MGAT5B: variants seen among roughly 807,000 people sequenced by gnomAD.
MGAT5B encodes alpha-1,6-mannosylglycoprotein 6-beta-N-acetylglucosaminyltransferase B.
In MGAT5B, 54 loss-of-function variants were observed where a neutral mutation model predicts 95.1. The ratio of observed to expected loss-of-function variants is 0.57; its 90% CI spans 0.46 to 0.71. MGAT5B has a LOEUF of 0.71. MGAT5B is among the 30% of genes least tolerant of loss of function. MGAT5B has a pLI of 0.00. For missense variants in MGAT5B, 935 were observed against 1,088.6 expected, an observed-to-expected ratio of 0.86 and a Z score of 1.99; for synonymous variants, 464 against 451.0, an observed-to-expected ratio of 1.03 and a Z score of -0.36.
At chr17:76,926,198 G>T (rs960478455) in intron 9 of MGAT5B, among the ~76,000 whole-genome samples, 2 of 152,188 alleles carry the variant, frequency 1.3e-5, no homozygotes, top group Non-Finnish European at 2.9e-5. Flanking sequence ...CTCCTGAGAA[G>T]AGGGGCTATG....
intron 2 of MGAT5B, among the ~76,000 whole-genome samples, chr17:76,876,592 G>A (rs2145121054): frequency 1.3e-5 from 2 of 152,292 alleles, no homozygotes; most frequent in South Asian, 4.1e-4. Flanking sequence ...GGGAGAGGGA[G>A]GAGAAGGCTT....
chr17:76,940,742 A>T lies in MGAT5B; in HGVS notation c.1742A>T (p.Gln581Leu). The part of the protein sequence containing the change: ...GKPTSREVFS[Q>L]HPYAENFIGK... Reference sequence around the variant, plus strand: ...CTGTACCCTTGCCAGGTGTTCTCCCAGCATCCCTACGCGGAGAACTTCATC... The same window carrying T: ...CTGTACCCTTGCCAGGTGTTCTCCCTGCATCCCTACGCGGAGAACTTCATC... Residue 581 changes from glutamine (Q) to leucine (L), a missense_variant, in exon 15 of 18, where the codon CAG becomes CTG. Coordinates refer to ENST00000569840, the MANE Select transcript of MGAT5B (RefSeq NM_001199172.2). This position sits in a 1 kb window ranked among gnomAD's most constrained non-coding sequence, Gnocchi z 4.3. The T allele has an allele frequency of 6.2e-7, 1 of 1,614,132 alleles. No individual in the cohort carries two copies. Among genetic ancestry groups the T allele is most frequent in the Middle Eastern group, 1.7e-4 (1 of 6,060 alleles).
intron 3 of MGAT5B, among the ~76,000 whole-genome samples, chr17:76,896,374 A>G (rs1230517650): frequency 6.6e-6 from 1 of 152,244 alleles, no homozygotes; most frequent in Non-Finnish European, 1.5e-5. Flanking sequence ...TGCACTATTT[A>G]AAGCCTGTGC....
chr17:76,938,241 A>G lies in MGAT5B; in HGVS notation c.1584+98A>G, dbSNP rs965953852. 4.5e-5 allele frequency: 66 copies of G among 1,456,342 alleles called. No homozygotes were observed. Among genetic ancestry groups the G allele is most frequent in the Middle Eastern group, 2.4e-4 (1 of 4,102 alleles). The allele number at this position is 1,456,342 out of a possible 1,614,324, so 90.2% of individuals were successfully genotyped here. ...ACCACCACTCAGGCCCCTTCCACAT[A>G]TGGACATACCCCAGCATGCTCTGCT... On this transcript the variant is annotated intron_variant, in intron 13 of 17. Transcript: ENST00000569840. The surrounding 1 kb of genome is among the most constrained non-coding windows in gnomAD (Gnocchi z 4.3).
In MGAT5B at chr17:76,875,086, C is replaced by A. The variant is rs1170292177; in HGVS notation, c.181+2123C>A. On this transcript the variant is annotated intron_variant, in intron 2 of 17. Transcript: ENST00000569840. ...TCAGTCCCCAAGTGTCCCCATGCCA[C>A]TTCACAGTCATTACTCACCCAAGGA... Among the ~76,000 whole-genome samples the A allele has an allele frequency of 2.0e-5, 3 of 152,212 alleles. No individual in the cohort carries two copies. The East Asian group carries it at 5.8e-4, about 29-fold the overall frequency.
At position 76,882,222 on chromosome 17, in the gene MGAT5B, A is replaced by G. The variant is rs1386364270; in HGVS notation, c.253A>G (p.Met85Val). Residue 85 changes from methionine (M) to valine (V), a missense_variant, in exon 3 of 18, where the codon ATG (methionine) becomes GTG (valine). Coordinates refer to ENST00000569840, the MANE Select transcript of MGAT5B (RefSeq NM_001199172.2). ...SDLLELMVKRMDALARLENSS... is the reference protein window; with the variant it reads ...SDLLELMVKRVDALARLENSS... ...CCTGCTGGAGCTGATGGTGAAGCGC[A>G]TGGACGCACTGGCCAGGCTGGAGAA... The G allele has an allele frequency of 6.2e-7, 1 of 1,613,742 alleles. No homozygotes were observed. Among genetic ancestry groups the G allele is most frequent in the Non-Finnish European group, 8.5e-7 (1 of 1,179,940 alleles).
At chr17:76,893,604 T>C (rs544223431) in intron 3 of MGAT5B, among the ~76,000 whole-genome samples, 1 of 152,210 alleles carries the variant, frequency 6.6e-6, no homozygotes, top group South Asian at 2.1e-4. Context: ...GTGGTGGGAG[T>C]GAGGCCCAGG....
At position 76,871,497 on chromosome 17, in the gene MGAT5B, C is replaced by G. The variant is rs549023935; in HGVS notation, c.69-1354C>G. Among the ~76,000 whole-genome samples the G allele has an allele frequency of 8.0e-4, 122 of 152,348 alleles. 2 individuals are homozygous for G. In the South Asian group the frequency reaches 0.024, roughly 30 times the overall value. Reference sequence around the variant, plus strand: ...TCTTCTCTGCCCAAATCTCTAACAGCTTCCTTTAAATATGGGCTGGGAATT... The same window carrying G: ...TCTTCTCTGCCCAAATCTCTAACAGGTTCCTTTAAATATGGGCTGGGAATT... On this transcript the variant is annotated intron_variant, in intron 1 of 17. Coordinates refer to ENST00000569840, the MANE Select transcript of MGAT5B (RefSeq NM_001199172.2).
intron 10 of MGAT5B, among the ~76,000 whole-genome samples, chr17:76,928,419 C>T (rs1245508551): frequency 6.6e-6 from 1 of 152,032 alleles, no homozygotes; most frequent in Non-Finnish European, 1.5e-5. Flanking sequence ...AGAAGGGAAG[C>T]AGTCAAGCCA....
In MGAT5B at chr17:76,940,650, G is replaced by C; in HGVS notation, c.1732-82G>C. The C allele has an allele frequency of 2.5e-6, 4 of 1,593,656 alleles. No individual in the cohort carries two copies. The highest frequency in any genetic ancestry group is 3.4e-6 in the Non-Finnish European group (4 of 1,167,022). Reference sequence around the variant, plus strand: ...TGAGATGTGGGGCAAAAGGAGATAGGACAAGTGTATGGGGTACCTTTCTTT... The same window carrying C: ...TGAGATGTGGGGCAAAAGGAGATAGCACAAGTGTATGGGGTACCTTTCTTT... On this transcript the variant is annotated intron_variant, in intron 14 of 17. Transcript: ENST00000569840. The surrounding 1 kb of genome is among the most constrained non-coding windows in gnomAD (Gnocchi z 4.3).
In MGAT5B at chr17:76,915,058, A is replaced by G. The variant is rs1170107959; in HGVS notation, c.1025+8871A>G. Among the ~76,000 whole-genome samples the G allele has an allele frequency of 6.6e-6, 1 of 152,222 alleles. No homozygotes were observed. The highest frequency in any genetic ancestry group is 6.5e-5 in the Admixed American group (1 of 15,282). On this transcript the variant is annotated intron_variant, in intron 8 of 17. Transcript: ENST00000569840. The surrounding 1 kb of genome is among the most constrained non-coding windows in gnomAD (Gnocchi z 8.7). The stretch of plus-strand genomic sequence containing the variant: ...TCCAAACAAAGTCACATTCACAGGT[A>G]CGGGGATTAGGACTTCACCCTCCTT...
intron 3 of MGAT5B, among the ~76,000 whole-genome samples, chr17:76,885,193 G>A (rs1473432897): frequency 2.0e-5 from 3 of 152,176 alleles, no homozygotes; most frequent in Non-Finnish European, 2.9e-5. Flanking sequence ...GCATGAGGCC[G>A]TTTTCCTCTC....
intron 8 of MGAT5B, chr17:76,913,761 A>G (rs1437881147): frequency 2.1e-6 from 1 of 485,152 alleles, no homozygotes; most frequent in Non-Finnish European, 4.1e-6. Context: ...GTGGCCAGCA[A>G]CACATTGCTC....
At chr17:76,934,861 G>C (rs1475904196) in intron 12 of MGAT5B, among the ~76,000 whole-genome samples, 2 of 152,168 alleles carry the variant, frequency 1.3e-5, no homozygotes, top group East Asian at 3.9e-4. Context: ...AGAGAAAAAT[G>C]AAAGCAGCAT....
intron 2 of MGAT5B, among the ~76,000 whole-genome samples, chr17:76,875,572 A>AGTAGTCTTTTGT (rs1301709397): frequency 6.8e-6 from 1 of 147,780 alleles, no homozygotes; most frequent in Non-Finnish European, 1.5e-5. Context: ...CTAATAGAGG[A>AGTAGTCTTTTGT]GTAGTCTTTT....
At chr17:76,919,668 C>T (rs1043917567) in intron 8 of MGAT5B, among the ~76,000 whole-genome samples, 3 of 152,168 alleles carry the variant, frequency 2.0e-5, no homozygotes, top group East Asian at 1.9e-4. Context: ...TGGACTCAAG[C>T]GATCCTCCCA....
At chr17:76,942,451 T>C (rs1351852238) in intron 15 of MGAT5B, among the ~76,000 whole-genome samples, 1 of 152,008 alleles carries the variant, frequency 6.6e-6, no homozygotes, top group Non-Finnish European at 1.5e-5. Flanking sequence ...CGCTTGAACC[T>C]GGGAGGTGGA....
At chr17:76,872,733 C>T in intron 1 of MGAT5B, 118 bp from the exon 2 acceptor site, 2 of 1,577,318 alleles carry the variant, frequency 1.3e-6, no homozygotes, top group East Asian at 2.3e-5. Flanking sequence ...TTTCATTCTC[C>T]CTTGCTTCCT....
intron 9 of MGAT5B, 29 bp from the exon 10 acceptor site, chr17:76,926,568 C>T: frequency 6.3e-7 from 1 of 1,592,546 alleles, no homozygotes; most frequent in East Asian, 2.2e-5. Flanking sequence ...AGGTTGCTGA[C>T]CCTGGTTCCT....
Sources: allele counts gnomAD v4.1 joint callset (sites outside exome capture counted in the v4.1 genomes callset), GRCh38; gene constraint gnomAD v4.1.1; non-coding constraint Gnocchi (gnomAD v3.1); transcripts MANE v1.5; gene names NCBI Gene and HGNC (gene_info 2026-07-23, HGNC 2026-07-21).